The following ANKRD44 variants were observed in gnomAD, a reference collection of about 807,000 sequenced individuals.
ANKRD44 encodes the protein ankyrin repeat domain 44.
In ANKRD44, 35 loss-of-function variants were observed where a neutral mutation model predicts 116.0. The ratio of observed to expected loss-of-function variants is 0.30; its 90% confidence interval spans 0.23 to 0.40. The LOEUF (loss-of-function observed/expected upper bound fraction) is 0.40, where lower values mean the gene tolerates loss of function less well. Ranked by LOEUF, ANKRD44 falls within the 10% of genes least tolerant of loss-of-function variation. The probability of loss-of-function intolerance (pLI) is 1.00; values close to 1 mark genes in which losing one functional copy is unlikely to be tolerated. For synonymous variants in ANKRD44, 435 were observed against 461.8 expected, an observed-to-expected ratio of 0.94 and a Z score of 0.74; for missense variants, 1,014 against 1,242.6, an observed-to-expected ratio of 0.82 and a Z score of 2.77.
chr2:197,074,509 TC>T (rs779744305), intron 16 of ANKRD44, among the ~76,000 whole-genome samples: 1 of 152,212 alleles, frequency 6.6e-6, no homozygotes, highest in Non-Finnish European at 1.5e-5. Context: ...TCTTGTTCTG[TC>T]ACCCAGGCTG....
chr2:197,307,187 T>C (rs2084097531), intron 1 of ANKRD44, among the ~76,000 whole-genome samples: 1 of 152,172 alleles, frequency 6.6e-6, no homozygotes, highest in Non-Finnish European at 1.5e-5. Context: ...TTTAACAAAA[T>C]TTTCTTTCCC....
At chr2:197,003,683 C>G (rs963312119) in intron 21 of ANKRD44, among the ~76,000 whole-genome samples, 11 of 152,148 alleles carry the variant, frequency 7.2e-5, no homozygotes, top group Admixed American at 5.2e-4. Flanking sequence ...CACCTCTCAC[C>G]CTGAGCCCTG....
intron 9 of ANKRD44, among the ~76,000 whole-genome samples, chr2:197,101,695 G>A (rs1020597804): frequency 1.3e-5 from 2 of 152,148 alleles, no homozygotes; most frequent in African/African-American, 2.4e-5. Context: ...TAATTAACAG[G>A]CAATCTGTGC....
intron 1 of ANKRD44, among the ~76,000 whole-genome samples, chr2:197,243,648 A>G (rs554765158): frequency 6.6e-6 from 1 of 152,252 alleles, no homozygotes; most frequent in Admixed American, 6.5e-5. Flanking sequence ...CAAGTCCAAG[A>G]TCAAGGTGCC....
chr2:197,215,004 A>C (rs1383713650), intron 1 of ANKRD44, among the ~76,000 whole-genome samples: 1 of 151,996 alleles, frequency 6.6e-6, no homozygotes, highest in Non-Finnish European at 1.5e-5. Context: ...CAGCCTCCCG[A>C]GTAGCTGGGA....
intron 16 of ANKRD44, among the ~76,000 whole-genome samples, chr2:197,038,740 T>C (rs6714359): frequency 0.91 from 137,928 of 152,250 alleles, 62,536 homozygotes; most frequent in East Asian, 1. Context: ...CCTTTCATCT[T>C]GCTGTAGGTG....
intron 27 of ANKRD44, among the ~76,000 whole-genome samples, chr2:196,991,390 G>A (rs1160297330): frequency 6.6e-6 from 1 of 152,170 alleles, no homozygotes. Context: ...GTAATTGTGT[G>A]TCCAATTAGA....
intron 1 of ANKRD44, among the ~76,000 whole-genome samples, chr2:197,189,163 G>A (rs922109506): frequency 2.0e-5 from 3 of 152,194 alleles, no homozygotes; most frequent in Non-Finnish European, 2.9e-5. Context: ...GTAAGACAGA[G>A]TAAGATTCCT....
intron 2 of ANKRD44, among the ~76,000 whole-genome samples, chr2:197,155,879 C>T (rs2079796521): frequency 6.6e-6 from 1 of 152,068 alleles, no homozygotes; most frequent in African/African-American, 2.4e-5. Flanking sequence ...TGAAGATAAG[C>T]CACAGACTGG....
At chr2:197,243,782 C>T (rs1295404737) in intron 1 of ANKRD44, among the ~76,000 whole-genome samples, 1 of 152,196 alleles carries the variant, frequency 6.6e-6, no homozygotes, top group African/African-American at 2.4e-5. Context: ...AAATCCCATT[C>T]ATGAGGCCTG....
intron 16 of ANKRD44, among the ~76,000 whole-genome samples, chr2:197,065,058 G>A (rs1251497552): frequency 6.6e-5 from 10 of 152,216 alleles, no homozygotes; most frequent in African/African-American, 2.4e-4. Flanking sequence ...TGGAAGTAAA[G>A]CACTCCTCAG....
chr2:197,036,318 G>A (rs2076806310), intron 16 of ANKRD44, among the ~76,000 whole-genome samples: 1 of 152,060 alleles, frequency 6.6e-6, no homozygotes, highest in Non-Finnish European at 1.5e-5. Context: ...GAGTGCAGTG[G>A]CATGATCTCA....
At chr2:197,137,229 G>A (rs2079240682) in intron 3 of ANKRD44, among the ~76,000 whole-genome samples, 1 of 152,134 alleles carries the variant, frequency 6.6e-6, no homozygotes, top group African/African-American at 2.4e-5. Context: ...GGTCAGAGAT[G>A]GGATGTTTTA....
At chr2:196,973,492 C>T (rs6749795) in intron 21 of ANKRD44, among the ~76,000 whole-genome samples, 91,012 of 151,944 alleles carry the variant, frequency 0.6, 30,193 homozygotes, top group East Asian at 0.82. Context: ...CAGTATCTCC[C>T]CACGCAAAGG....
At chr2:197,105,078 T>A (rs1358943048) in intron 9 of ANKRD44, among the ~76,000 whole-genome samples, 1 of 152,190 alleles carries the variant, frequency 6.6e-6, no homozygotes, top group Non-Finnish European at 1.5e-5. Context: ...CAAATCTTTG[T>A]TTCTGTGTTA....
intron 16 of ANKRD44, among the ~76,000 whole-genome samples, chr2:197,031,842 G>C (rs2076713847): frequency 6.6e-6 from 1 of 152,084 alleles, no homozygotes; most frequent in African/African-American, 2.4e-5. Context: ...AGAAAAATGA[G>C]AGTAAATGTA....
intron 1 of ANKRD44, among the ~76,000 whole-genome samples, chr2:197,271,981 C>T (rs1231150434): frequency 1.3e-5 from 2 of 152,142 alleles, no homozygotes; most frequent in Non-Finnish European, 2.9e-5. Context: ...GAAATTATAT[C>T]GCCAAAGTGA....
At chr2:197,163,023 GTT>G (rs1181244220) in intron 2 of ANKRD44, among the ~76,000 whole-genome samples, 3 of 151,940 alleles carry the variant, frequency 2.0e-5, no homozygotes, top group African/African-American at 7.3e-5. Flanking sequence ...CAATGGCTTG[GTT>G]TTTTTTGTGG....
At chr2:197,214,553 A>G (rs2125706400) in intron 1 of ANKRD44, among the ~76,000 whole-genome samples, 1 of 152,346 alleles carries the variant, frequency 6.6e-6, no homozygotes, top group Admixed American at 6.5e-5. Flanking sequence ...TTTATGTCTT[A>G]GTGATTAGAT....
Sources: allele counts gnomAD v4.1 joint callset (sites outside exome capture counted in the v4.1 genomes callset), GRCh38; gene constraint gnomAD v4.1.1; transcripts MANE v1.5; gene names NCBI Gene and HGNC (gene_info 2026-07-23, HGNC 2026-07-21).